Variants in ATP10A observed in about 807,000 individuals in gnomAD.
The protein encoded by ATP10A is phospholipid-transporting ATPase VA.
Under a neutral mutation model 147.8 loss-of-function variants are expected in ATP10A, and 111 were observed. The ratio of observed to expected loss-of-function variants is 0.75; its 90% CI spans 0.64 to 0.88. The LOEUF (loss-of-function observed/expected upper bound fraction) is 0.88, where lower values mean the gene tolerates loss of function less well. Ranked by LOEUF, ATP10A falls within the 40% of genes least tolerant of loss-of-function variation. The probability of loss-of-function intolerance (pLI) is 0.00; values close to 1 mark genes in which losing one functional copy is unlikely to be tolerated. For synonymous variants in ATP10A, 875 were observed against 841.6 expected, an observed-to-expected ratio of 1.04 and a Z score of -0.69; for missense variants, 1,927 against 1,959.0, an observed-to-expected ratio of 0.98 and a Z score of 0.31.
chr15:25,800,013 G>A (rs1890861795), intron 1 of ATP10A, among the ~76,000 whole-genome samples: 1 of 152,162 alleles, frequency 6.6e-6, no homozygotes, highest in Non-Finnish European at 1.5e-5. Flanking sequence ...TTCTAAAGAA[G>A]GAGGAAAAGC....
chr15:25,704,444 C>G (rs1188980573), intron 12 of ATP10A, among the ~76,000 whole-genome samples: 15 of 152,192 alleles, frequency 9.9e-5, no homozygotes, highest in Non-Finnish European at 8.8e-5. Context: ...TAAAGTCCCT[C>G]AGTCAAATGT....
At chr15:25,694,565 C>T (rs1276668871) in intron 14 of ATP10A, among the ~76,000 whole-genome samples, 1 of 152,236 alleles carries the variant, frequency 6.6e-6, no homozygotes, top group Non-Finnish European at 1.5e-5. Context: ...GGGTAAGCTC[C>T]ATCTTGTTGC....
At chr15:25,728,373 CAGT>C (rs1555460994) in intron 3 of ATP10A, among the ~76,000 whole-genome samples, 1 of 152,192 alleles carries the variant, frequency 6.6e-6, no homozygotes, top group Non-Finnish European at 1.5e-5. Context: ...AGAGCAGACA[CAGT>C]GGGGCCACTC....
intron 13 of ATP10A, 97 bp downstream of exon 13, chr15:25,701,819 A>G: frequency 8.0e-7 from 1 of 1,246,296 alleles, no homozygotes; most frequent in Non-Finnish European, 1.1e-6. Flanking sequence ...GGTCCTTCTA[A>G]CAGCAGCTGC....
At position 25,680,984 on chromosome 15, in the gene ATP10A, GC is replaced by G; in HGVS notation, c.3573+9del. The G allele has an allele frequency of 6.2e-7, 1 of 1,614,034 alleles. No homozygotes were observed. The highest frequency in any genetic ancestry group is 8.5e-7 in the Non-Finnish European group (1 of 1,179,896). ...CTGGTAAGAAAAACTGCACCCAGGG[GC>G]CAACTTACCAGGTAAGGAATGGAAA... On this transcript the variant is annotated intron_variant, in intron 18 of 20. Coordinates refer to ENST00000555815, the MANE Select transcript of ATP10A (RefSeq NM_024490.4).
chr15:25,760,553 A>G (rs1475405973), intron 2 of ATP10A, among the ~76,000 whole-genome samples: 1 of 152,226 alleles, frequency 6.6e-6, no homozygotes, highest in African/African-American at 2.4e-5. Flanking sequence ...TCATGGAAAG[A>G]ATGGAAAGAA....
intron 1 of ATP10A, among the ~76,000 whole-genome samples, chr15:25,785,201 G>C (rs139628821): frequency 6.6e-6 from 1 of 152,134 alleles, no homozygotes; most frequent in Non-Finnish European, 1.5e-5. Context: ...CCCCTGAACT[G>C]TGTCCCCCGA....
intron 1 of ATP10A, among the ~76,000 whole-genome samples, chr15:25,808,509 G>A (rs1219316281): frequency 2.6e-5 from 4 of 152,120 alleles, no homozygotes; most frequent in Admixed American, 6.5e-5. Context: ...CTCAGCCTCC[G>A]GAGCAGCTGG....
At chr15:25,688,390 C>T (rs1408739819) in intron 15 of ATP10A, among the ~76,000 whole-genome samples, 1 of 152,182 alleles carries the variant, frequency 6.6e-6, no homozygotes, top group Non-Finnish European at 1.5e-5. Flanking sequence ...CGGGTGCGGG[C>T]AGTGGCCGTG....
At position 25,754,278 on chromosome 15, in the gene ATP10A, C is replaced by T. The variant is rs1057030195; in HGVS notation, c.655-18137G>A. On this transcript the variant is annotated intron_variant, in intron 2 of 20. Transcript: ENST00000555815. ...CCTCCCGAGTAGCTGGGACAACAGG[C>T]GCGTGCCACCATGCCCAGCTAATTT... 3.9e-5 allele frequency among the ~76,000 whole-genome samples: 6 copies of T among 152,188 alleles called. No individual in the cohort carries two copies. In the East Asian group the frequency reaches 7.7e-4, roughly 20 times the overall value.
At chr15:25,752,496 G>GA (rs1888206264) in intron 2 of ATP10A, among the ~76,000 whole-genome samples, 1 of 152,156 alleles carries the variant, frequency 6.6e-6, no homozygotes, top group South Asian at 2.1e-4. Context: ...CTGGGAGTTG[G>GA]GAGAGATGGG....
intron 1 of ATP10A, among the ~76,000 whole-genome samples, chr15:25,827,261 A>G (rs1000053587): frequency 7.2e-5 from 11 of 152,218 alleles, no homozygotes; most frequent in Admixed American, 5.2e-4. Context: ...CCTACAAGAA[A>G]CAATAAACAG....
chr15:25,695,490 G>A (rs551351907), intron 13 of ATP10A, among the ~76,000 whole-genome samples: 2 of 152,250 alleles, frequency 1.3e-5, no homozygotes, highest in African/African-American at 2.4e-5. Flanking sequence ...TTAGCCAGGC[G>A]TGGTGGTGGG....
intron 6 of ATP10A, 65 bp downstream of exon 6, chr15:25,723,826 T>C (rs925357304): frequency 1.1e-5 from 15 of 1,394,042 alleles, no homozygotes; most frequent in Middle Eastern, 1.9e-4. Context: ...CTGAACAGAG[T>C]ATGATGATTT....
At position 25,781,097 on chromosome 15, in the gene ATP10A, T is replaced by G. The variant is rs374523886; in HGVS notation, c.576A>C (p.Leu192=). The part of the protein sequence containing the change: ...LLLSSSDPDG[L]CHIETANLDG... The stretch of plus-strand genomic sequence containing the variant: ...CCAGGTTGGCGGTCTCGATGTGGCA[T>G]AGCCCGTCGGGGTCACTGGAGGAGA... Residue 192 remains leucine (L), a synonymous_variant, in exon 2 of 21, where the codon CTA becomes CTC. Transcript: ENST00000555815. 6.8e-6 allele frequency: 11 copies of G among 1,614,064 alleles called. No individual in the cohort carries two copies. Among genetic ancestry groups the G allele is most frequent in the Middle Eastern group, 1.6e-4 (1 of 6,084 alleles).
intron 2 of ATP10A, among the ~76,000 whole-genome samples, chr15:25,748,025 C>T (rs558385491): frequency 9.9e-5 from 15 of 151,896 alleles, no homozygotes; most frequent in Middle Eastern, 6.8e-3. Context: ...AGTACAGTGG[C>T]GATCTTGGCT....
intron 2 of ATP10A, among the ~76,000 whole-genome samples, chr15:25,744,374 G>A (rs1330768083): frequency 1.3e-5 from 2 of 152,160 alleles, no homozygotes; most frequent in South Asian, 2.1e-4. Context: ...GTATGTGTGT[G>A]AGTGTGTGTA....
At chr15:25,707,058 G>A (rs1010989176) in intron 12 of ATP10A, among the ~76,000 whole-genome samples, 39 of 152,190 alleles carry the variant, frequency 2.6e-4, no homozygotes, top group Admixed American at 2.0e-4. Context: ...GGATCCCGGG[G>A]CTTTCCAAGT....
chr15:25,744,876 A>G (rs1191661690), intron 2 of ATP10A, among the ~76,000 whole-genome samples: 1 of 152,208 alleles, frequency 6.6e-6, no homozygotes, highest in Non-Finnish European at 1.5e-5. Flanking sequence ...ATGATGCAGG[A>G]GCAATTATTG....
Sources: gnomAD v4.1 joint callset for allele counts (sites outside exome capture counted in the v4.1 genomes callset) on GRCh38, gnomAD v4.1.1 for gene constraint, MANE v1.5 for transcripts, NCBI Gene and HGNC (gene_info 2026-07-23, HGNC 2026-07-21) for gene names.